The following SNTB2 variants were observed in gnomAD, a reference collection of about 807,000 sequenced individuals.
SNTB2 encodes the protein beta-2-syntrophin.
SNTB2 carries 34 observed loss-of-function variants against 46.2 expected under a neutral mutation model. The observed-to-expected ratio is 0.74, with a 90% CI of 0.56 to 0.98. The LOEUF (loss-of-function observed/expected upper bound fraction) is 0.98. SNTB2 is among the 50% of genes least tolerant of loss of function. The pLI is 0.00. For missense variants in SNTB2, 603 were observed against 731.4 expected (o/e 0.82, Z 2.02); for synonymous variants, 290 against 312.6 (o/e 0.93, Z 0.76).
intron 1 of SNTB2, among the ~76,000 whole-genome samples, chr16:69,237,086 C>T (rs542977066): frequency 6.6e-6 from 1 of 152,122 alleles, no homozygotes; most frequent in Non-Finnish European, 1.5e-5. Context: ...AAGGATGGGG[C>T]AGCACCCAGG....
rs1312530031 is a variant in SNTB2 at position 69,280,582 on chromosome 16, C to G, written c.1149-3466C>G. Among the ~76,000 whole-genome samples the G allele has an allele frequency of 1.8e-3, 266 of 145,168 alleles. 1 individual carries two copies. The highest frequency in any genetic ancestry group is 6.3e-3 in the African/African-American group (240 of 38,008). ...CTCCCGGACGGGGCGGCTGGCCGGG[C>G]GGGGGGCTGAACCCCCCACCTCCCT... On this transcript the variant is annotated intron_variant, in intron 4 of 6. Coordinates refer to ENST00000336278, the MANE Select transcript of SNTB2 (RefSeq NM_006750.4).
At chr16:69,219,417 G>A (rs992007249) in intron 1 of SNTB2, among the ~76,000 whole-genome samples, 1 of 152,264 alleles carries the variant, frequency 6.6e-6, no homozygotes, top group East Asian at 1.9e-4. Flanking sequence ...TCCAAAGGCA[G>A]AACAAATAGT....
At chr16:69,264,418 T>C (rs1000577868) in intron 3 of SNTB2, among the ~76,000 whole-genome samples, 20 of 152,194 alleles carry the variant, frequency 1.3e-4, no homozygotes, top group African/African-American at 4.3e-4. Context: ...TTGTAAAGGT[T>C]ACTATAATGA....
intron 1 of SNTB2, among the ~76,000 whole-genome samples, chr16:69,205,383 A>G (rs1192679691): frequency 2.7e-5 from 4 of 148,098 alleles, no homozygotes; most frequent in Non-Finnish European, 5.9e-5. Context: ...ATTGTGCAGT[A>G]GAGACGGGGT....
At chr16:69,198,458 T>G (rs551703810) in intron 1 of SNTB2, among the ~76,000 whole-genome samples, 13 of 152,312 alleles carry the variant, frequency 8.5e-5, no homozygotes, top group African/African-American at 2.9e-4. Context: ...CATTGCACGT[T>G]CTGCCTCTGC....
intron 4 of SNTB2, among the ~76,000 whole-genome samples, chr16:69,280,780 G>A (rs1481169028): frequency 6.6e-6 from 1 of 151,854 alleles, no homozygotes; most frequent in South Asian, 2.1e-4. Flanking sequence ...TTTTTTGTCC[G>A]CAGCTTGTCT....
chr16:69,235,745 C>T (rs1172009371), intron 1 of SNTB2: 1 of 1,288,820 alleles, frequency 7.8e-7, no homozygotes, highest in Non-Finnish European at 1.0e-6. Context: ...TCTCTGCTTT[C>T]AGGCCTATAA....
chr16:69,193,891 C>T (rs1241384787), intron 1 of SNTB2, among the ~76,000 whole-genome samples: 1 of 152,206 alleles, frequency 6.6e-6, no homozygotes. Context: ...TGCAGTTTCT[C>T]TGTTTCTCTC....
intron 1 of SNTB2, among the ~76,000 whole-genome samples, chr16:69,227,538 AC>A (rs1964470760): frequency 6.6e-6 from 1 of 152,360 alleles, no homozygotes; most frequent in East Asian, 1.9e-4. Flanking sequence ...ATGGCTCTAC[AC>A]AAACCGCAAC....
chr16:69,265,997 TAC>T (rs1194003557), intron 3 of SNTB2, among the ~76,000 whole-genome samples: 1 of 152,120 alleles, frequency 6.6e-6, no homozygotes, highest in African/African-American at 2.4e-5. Flanking sequence ...CTTATGCTGA[TAC>T]CATAACCAAA....
At chr16:69,206,142 G>A (rs1374162965) in intron 1 of SNTB2, among the ~76,000 whole-genome samples, 1 of 152,048 alleles carries the variant, frequency 6.6e-6, no homozygotes, top group Non-Finnish European at 1.5e-5. Context: ...AATTACAGGA[G>A]CGTGCCACCA....
chr16:69,258,335 C>A (rs1207593480), intron 2 of SNTB2, among the ~76,000 whole-genome samples: 3 of 151,920 alleles, frequency 2.0e-5, no homozygotes, highest in African/African-American at 4.8e-5. Context: ...TTCATCTTTG[C>A]AAGAACTTTG....
chr16:69,188,000 C>T (rs1056540790), intron 1 of SNTB2, among the ~76,000 whole-genome samples: 7 of 152,186 alleles, frequency 4.6e-5, no homozygotes, highest in Non-Finnish European at 8.8e-5. Context: ...TATGAAGCCC[C>T]ACCTCGGCCC....
intron 6 of SNTB2, among the ~76,000 whole-genome samples, chr16:69,300,608 C>T (rs1965269669): frequency 6.6e-6 from 1 of 152,206 alleles, no homozygotes; most frequent in East Asian, 1.9e-4. Flanking sequence ...AAACCCAGTA[C>T]ACCACCAGTT....
chr16:69,287,876 A>ATATATG (rs1435292992), intron 5 of SNTB2, among the ~76,000 whole-genome samples: 2 of 151,672 alleles, frequency 1.3e-5, no homozygotes, highest in African/African-American at 4.8e-5. Context: ...ATATATATAT[A>ATATATG]TATATGTATA....
In SNTB2 at chr16:69,264,122, C is replaced by A. The variant is rs570852078; in HGVS notation, c.1005+3862C>A. On this transcript the variant is annotated intron_variant, in intron 3 of 6. Coordinates refer to ENST00000336278, the MANE Select transcript of SNTB2 (RefSeq NM_006750.4). The stretch of plus-strand genomic sequence containing the variant: ...TTGGCTTTTCTCATTAATGCCCAGG[C>A]CTGGGTCTCCCACAGTCGCGAAGAG... 1.3e-4 allele frequency among the ~76,000 whole-genome samples: 20 copies of A among 152,276 alleles called. No homozygotes were observed. The South Asian group carries it at 3.7e-3, about 28-fold the overall frequency.
chr16:69,261,759 G>A (rs1282156939), intron 3 of SNTB2, among the ~76,000 whole-genome samples: 3 of 152,136 alleles, frequency 2.0e-5, no homozygotes, highest in East Asian at 3.8e-4. Context: ...AAGGTAGCAC[G>A]TTCACATGGT....
intron 1 of SNTB2, among the ~76,000 whole-genome samples, chr16:69,214,421 T>G (rs1964326218): frequency 6.6e-6 from 1 of 151,752 alleles, no homozygotes; most frequent in South Asian, 2.1e-4. Flanking sequence ...GTGCTAGGAT[T>G]ATAGGTGTGA....
rs141048232 is a variant in SNTB2 at position 69,223,169 on chromosome 16, A to G, written c.581-22433A>G. ...GTTTCCCCGAATGTTAACATCTTGC[A>G]TAACCATTATCAAAACTAAGAATTT... On this transcript the variant is annotated intron_variant, in intron 1 of 6. Transcript: ENST00000336278. 6.0e-5 allele frequency among the ~76,000 whole-genome samples: 9 copies of G among 151,172 alleles called. No homozygotes were observed. In the East Asian group the frequency reaches 1.7e-3, roughly 29 times the overall value.
Sources: allele counts gnomAD v4.1 joint callset (sites outside exome capture counted in the v4.1 genomes callset), GRCh38; gene constraint gnomAD v4.1.1; transcripts MANE v1.5; gene names NCBI Gene and HGNC (gene_info 2026-07-23, HGNC 2026-07-21).